Variants in ZBTB21 observed in about 807,000 individuals in gnomAD.
ZBTB21 encodes zinc finger and BTB domain containing 21, also known as zinc finger and BTB domain-containing protein 21.
A neutral mutation model predicts 39.8 loss-of-function variants in ZBTB21; 10 were observed. That is an observed-to-expected ratio of 0.25 (90% CI 0.16 to 0.43). The LOEUF (loss-of-function observed/expected upper bound fraction) is 0.43, where lower values mean the gene tolerates loss of function less well. Ranked by LOEUF, ZBTB21 falls within the 20% of genes least tolerant of loss-of-function variation. The pLI is 1.00. For synonymous variants in ZBTB21, 551 were observed against 498.8 expected (o/e 1.10, Z -1.40); for missense variants, 1,221 against 1,296.3 (o/e 0.94, Z 0.89).
At position 41,990,701 on chromosome 21, in the gene ZBTB21, T is replaced by C; in HGVS notation, c.*194A>G. 4.2e-6 allele frequency: 2 copies of C among 479,272 alleles called. No individual in the cohort carries two copies. The highest frequency in any genetic ancestry group is 6.8e-6 in the Non-Finnish European group (2 of 291,976). The allele number at this position is 479,272 out of a possible 1,614,324, so 29.7% of individuals were successfully genotyped here. On this transcript the variant is annotated 3_prime_UTR_variant, in exon 3 of 3. Transcript: ENST00000310826. Reference sequence around the variant, plus strand: ...GTTCTTGTAAGGTCCAGAACCACAATATTTTAAAAGCTGTATTTCTAAAGT... The same window carrying C: ...GTTCTTGTAAGGTCCAGAACCACAACATTTTAAAAGCTGTATTTCTAAAGT...
rs1238350647 is a variant in ZBTB21 at position 41,991,688 on chromosome 21, A to G, written c.2408T>C (p.Met803Thr). 2 of 1,614,014 alleles carry G rather than the reference A, an allele frequency of 1.2e-6. No homozygotes were observed. Among genetic ancestry groups the G allele is most frequent in the Non-Finnish European group, 1.7e-6 (2 of 1,179,994 alleles). ...CAAAGAAAAGTTTTCGGTGGGTGCC[A>G]TGTTGTTCTGATTATGGACTTCAAC... Reference protein sequence around the residue: ...HQVEVHNQNNMAPTENFSLPV... With the variant: ...HQVEVHNQNNTAPTENFSLPV... Residue 803 changes from methionine (M) to threonine (T), a missense_variant, in exon 3 of 3, where the codon ATG (methionine) becomes ACG (threonine). Transcript: ENST00000310826. The surrounding 1 kb of genome is among the most constrained non-coding windows in gnomAD (Gnocchi z 4.9).
intron 2 of ZBTB21, among the ~76,000 whole-genome samples, chr21:41,995,379 C>T (rs1187232112): frequency 1.3e-5 from 2 of 152,156 alleles, no homozygotes; most frequent in Non-Finnish European, 2.9e-5. Flanking sequence ...GCAAAGGTGA[C>T]TCGTTATGTT....
rs956194391 is a variant in ZBTB21 at position 41,991,903 on chromosome 21, G to C, written c.2193C>G (p.Leu731=). ...VYQCRLCNAK[L]SSLLEQGSHE... ...GGCTTCCTTGCTCTAGGAGAGAAGA[G>C]AGCTTAGCATTACAGAGGCGGCACT... Residue 731 remains leucine, a synonymous_variant, in exon 3 of 3, where the codon CTC becomes CTG. Coordinates refer to ENST00000310826, the MANE Select transcript of ZBTB21 (RefSeq NM_001098402.2). The surrounding 1 kb of genome is among the most constrained non-coding windows in gnomAD (Gnocchi z 4.9). 1 of 1,614,186 alleles carries C rather than the reference G, an allele frequency of 6.2e-7. No homozygotes were observed. Among genetic ancestry groups the C allele is most frequent in the Admixed American group, 1.7e-5 (1 of 60,032 alleles).
intron 2 of ZBTB21, among the ~76,000 whole-genome samples, chr21:41,997,581 AAAAAAAAACAAAAAAAC>A (rs901552839): frequency 7.2e-5 from 10 of 139,384 alleles, no homozygotes; most frequent in Admixed American, 1.4e-4. Context: ...GTCTCAAAAA[AAAAAAAAACAAAAAAAC>A]AAAAAAACAA....
In ZBTB21 at chr21:42,010,344, A is replaced by G; in HGVS notation, c.-171T>C. ...CGCCGCTGCCGCTGTGATTCCATCC[A>G]TCTTGAATTTGACGTCATCCCACAC... On this transcript the variant is annotated 5_prime_UTR_variant, in exon 1 of 3. An upstream start codon of the reference 5' UTR is lost. Transcript: ENST00000310826. 2.6e-6 allele frequency: 1 copy of G among 387,504 alleles called. No homozygotes were observed. Among genetic ancestry groups the G allele is most frequent in the East Asian group, 3.7e-5 (1 of 26,898 alleles). 24.0% of individuals were successfully genotyped at this position (387,504 alleles called of 1,614,324 possible).
At chr21:42,002,394 G>C (rs977121613) in intron 2 of ZBTB21, 2 of 152,116 alleles carry the variant, frequency 1.3e-5, no homozygotes, top group Admixed American at 1.3e-4. Flanking sequence ...TAAGTAAAAA[G>C]GGGGAAAATC....
chr21:42,010,226 G>T, intron 1 of ZBTB21, 26 bp downstream of exon 1: 1 of 397,542 alleles, frequency 2.5e-6, no homozygotes, highest in South Asian at 1.3e-4. Context: ...AGTTCTCCTA[G>T]AGCTAGGGGC....
chr21:42,005,384 T>C (rs2065866910), intron 1 of ZBTB21, among the ~76,000 whole-genome samples: 1 of 152,144 alleles, frequency 6.6e-6, no homozygotes, highest in South Asian at 2.1e-4. Flanking sequence ...ACAAAGGCAA[T>C]AAATAAATGA....
intron 2 of ZBTB21, among the ~76,000 whole-genome samples, chr21:41,996,922 A>G (rs1247280005): frequency 6.6e-6 from 1 of 152,198 alleles, no homozygotes; most frequent in Non-Finnish European, 1.5e-5. Context: ...CCCTGCCACC[A>G]TGTGAGATGT....
intron 1 of ZBTB21, among the ~76,000 whole-genome samples, chr21:42,005,948 T>A (rs1443909018): frequency 6.6e-6 from 1 of 152,208 alleles, no homozygotes; most frequent in East Asian, 1.9e-4. Flanking sequence ...CTAGAGAGGA[T>A]GGTCAGAAAA....
rs1319778779 is a variant in ZBTB21 at position 41,988,763 on chromosome 21, T to C, written c.*2132A>G. The C allele has an allele frequency of 6.7e-6, 1 of 150,186 alleles. No homozygotes were observed. The allele number at this position is 150,186 out of a possible 1,614,324, so 9.3% of individuals were successfully genotyped here. ...AACCTATGTTTAGATCAAAAATATT[T>C]TTTTTTTTTACTGATTAACAATATT... is the stretch of plus-strand genomic sequence containing the variant. On this transcript the variant is annotated 3_prime_UTR_variant, in exon 3 of 3. Coordinates refer to ENST00000310826, the MANE Select transcript of ZBTB21 (RefSeq NM_001098402.2).
At chr21:42,000,102 T>C (rs950042287) in intron 2 of ZBTB21, among the ~76,000 whole-genome samples, 4 of 152,100 alleles carry the variant, frequency 2.6e-5, no homozygotes, top group African/African-American at 9.7e-5. Context: ...GGCAGAGTCA[T>C]TAGAATTTCT....
chr21:41,993,473 C>A lies in ZBTB21; in HGVS notation c.623G>T (p.Trp208Leu). Reference sequence around the variant, plus strand: ...ATATACCACAGAACTATCTTTCGGCCAACTCTTTTCAGTTAATGACAAATT... The same window carrying A: ...ATATACCACAGAACTATCTTTCGGCAAACTCTTTTCAGTTAATGACAAATT... ...LHNLSLTEKS[W>L]PKDSSVVYAK... is the part of the protein sequence containing the mutation. Residue 208 changes from tryptophan (W) to leucine (L), a missense_variant, in exon 3 of 3, where the codon TGG becomes TTG. Transcript: ENST00000310826. 1 of 1,614,206 alleles carries A rather than the reference C, an allele frequency of 6.2e-7. No homozygotes were observed. The highest frequency in any genetic ancestry group is 8.5e-7 in the Non-Finnish European group (1 of 1,180,028).
At chr21:42,003,613 G>A (rs562342055) in intron 1 of ZBTB21, among the ~76,000 whole-genome samples, 1 of 152,086 alleles carries the variant, frequency 6.6e-6, no homozygotes, top group Non-Finnish European at 1.5e-5. Flanking sequence ...TCTGAGCAAC[G>A]ACATGATGCA....
chr21:42,010,324 C>G lies in ZBTB21; in HGVS notation c.-151G>C. ...CGGCTCGCGCGCGCCGCAGCCGCCG[C>G]TGCCGCTGTGATTCCATCCATCTTG... On this transcript the variant is annotated 5_prime_UTR_variant, in exon 1 of 3. Transcript: ENST00000310826. The G allele has an allele frequency of 1.0e-5, 4 of 396,746 alleles. No individual in the cohort carries two copies. Among genetic ancestry groups the G allele is most frequent in the Non-Finnish European group, 1.8e-5 (4 of 225,042 alleles). 24.6% of individuals were successfully genotyped at this position (396,746 alleles called of 1,614,324 possible).
Position 41,994,001 on chromosome 21 carries a change from A to G in ZBTB21, c.95T>C (p.Val32Ala). The G allele has an allele frequency of 6.2e-7, 1 of 1,614,280 alleles. No homozygotes were observed. The highest frequency in any genetic ancestry group is 1.6e-4 in the Middle Eastern group (1 of 6,062). Reference protein sequence around the residue: ...EERLKGQLCDVLLIVGDQKFR... With the variant: ...EERLKGQLCDALLIVGDQKFR... Reference sequence around the variant, plus strand: ...CTTTTGGTCTCCAACAATCAGCAGCACATCACACAGCTGTCCTTTGAGACG... The same window carrying G: ...CTTTTGGTCTCCAACAATCAGCAGCGCATCACACAGCTGTCCTTTGAGACG... Residue 32 changes from valine (V) to alanine (A), a missense_variant, in exon 3 of 3, where the codon GTG becomes GCG. This residue lies in a region of ZBTB21 where 108 missense variants were observed against 155.0 expected (regional missense o/e 0.70). Coordinates refer to ENST00000310826, the MANE Select transcript of ZBTB21 (RefSeq NM_001098402.2).
chr21:42,008,540 C>CAAAAAAAAAAAAAA (rs68176203), intron 1 of ZBTB21, among the ~76,000 whole-genome samples: 8 of 60,322 alleles, frequency 1.3e-4, no homozygotes, highest in African/African-American at 3.0e-4. Context: ...GAAACTCTGT[C>CAAAAAAAAAAAAAA]AAAAAAAAAA....
chr21:41,992,335 G>T lies in ZBTB21; in HGVS notation c.1761C>A (p.Asn587Lys). Residue 587 changes from asparagine to lysine, a missense_variant, in exon 3 of 3, where the codon AAC becomes AAA. Coordinates refer to ENST00000310826, the MANE Select transcript of ZBTB21 (RefSeq NM_001098402.2). The surrounding 1 kb of genome is among the most constrained non-coding windows in gnomAD (Gnocchi z 4.1). ...CDICHKRFHT[N>K]FKVWTHCQTQ... ...TCTGACAGTGTGTCCACACTTTGAA[G>T]TTGGTGTGAAACCTCTTGTGACAGA... is the stretch of plus-strand genomic sequence containing the variant. 6.2e-7 allele frequency: 1 copy of T among 1,614,200 alleles called. No individual in the cohort carries two copies. Among genetic ancestry groups the T allele is most frequent in the Non-Finnish European group, 8.5e-7 (1 of 1,180,042 alleles).
rs2065617032 is a variant in ZBTB21, at chr21:41,989,135, C to A, written c.*1760G>T. 6.6e-6 allele frequency: 1 copy of A among 152,016 alleles called. No individual in the cohort carries two copies. Among genetic ancestry groups the A allele is most frequent in the Admixed American group, 6.5e-5 (1 of 15,270 alleles). 9.4% of individuals were successfully genotyped at this position (152,016 alleles called of 1,614,324 possible). A position where few individuals can be genotyped will look rare whatever the true frequency, so the allele number is the denominator to read the frequency against. On this transcript the variant is annotated 3_prime_UTR_variant, in exon 3 of 3. Coordinates refer to ENST00000310826, the MANE Select transcript of ZBTB21 (RefSeq NM_001098402.2). ...CTGCAATTTATTTTCCCTTCTCCAT[C>A]AAATTTAAGAAAGAATAGGAAGTTA...
Sources: allele counts gnomAD v4.1 joint callset (sites outside exome capture counted in the v4.1 genomes callset), GRCh38; gene constraint gnomAD v4.1.1; regional missense constraint gnomAD v4.1.1; non-coding constraint Gnocchi (gnomAD v3.1); transcripts MANE v1.5; gene names NCBI Gene and HGNC (gene_info 2026-07-23, HGNC 2026-07-21).